CFAP299: variants seen among roughly 807,000 people sequenced by gnomAD.
CFAP299 encodes the protein cilia and flagella associated protein 299.
A neutral mutation model predicts 27.0 loss-of-function variants in CFAP299; 21 were observed. The ratio of observed to expected loss-of-function variants is 0.78; its 90% CI spans 0.55 to 1.12. The LOEUF (loss-of-function observed/expected upper bound fraction) is 1.12, where lower values mean the gene tolerates loss of function less well. Among genes scored for constraint, CFAP299 ranks in the 50% most tolerant of loss-of-function variants. The pLI is 0.00. For missense variants in CFAP299, 310 were observed against 276.6 expected (o/e 1.12, Z -0.86); for synonymous variants, 104 against 98.1 (o/e 1.06, Z -0.36).
intron 3 of CFAP299, among the ~76,000 whole-genome samples, chr4:80,749,080 C>A (rs1724782161): frequency 6.6e-6 from 1 of 152,142 alleles, no homozygotes; most frequent in Non-Finnish European, 1.5e-5. Context: ...AGTATATCAG[C>A]ATATCCTGAG....
intron 3 of CFAP299, among the ~76,000 whole-genome samples, chr4:80,781,611 A>G (rs1254975336): frequency 6.6e-6 from 1 of 152,084 alleles, no homozygotes; most frequent in South Asian, 2.1e-4. Context: ...TGCAATAAAT[A>G]TACGGGAAGG....
intron 3 of CFAP299, among the ~76,000 whole-genome samples, chr4:80,801,139 T>C (rs111557458): frequency 0.049 from 7,466 of 151,248 alleles, 417 homozygotes; most frequent in African/African-American, 0.14. Context: ...ACTTTGCATC[T>C]TTCAGTCAAA....
intron 3 of CFAP299, among the ~76,000 whole-genome samples, chr4:80,631,021 G>T (rs1459235169): frequency 6.6e-6 from 1 of 151,912 alleles, no homozygotes; most frequent in African/African-American, 2.4e-5. Context: ...CAATTGCAGG[G>T]CTATGCATAA....
intron 1 of CFAP299, among the ~76,000 whole-genome samples, chr4:80,339,652 C>G (rs917034862): frequency 3.8e-4 from 58 of 152,318 alleles, no homozygotes; most frequent in African/African-American, 1.4e-3. Flanking sequence ...AGATTTTCCT[C>G]TGCTAACCCA....
At chr4:80,767,936 T>C (rs1019080144) in intron 3 of CFAP299, among the ~76,000 whole-genome samples, 14 of 152,348 alleles carry the variant, frequency 9.2e-5, no homozygotes, top group African/African-American at 3.4e-4. Context: ...TTGCCCAATA[T>C]ACTTCTTTTT....
At chr4:80,763,182 C>T (rs1378062812) in intron 3 of CFAP299, among the ~76,000 whole-genome samples, 2 of 152,122 alleles carry the variant, frequency 1.3e-5, no homozygotes, top group East Asian at 3.9e-4. Context: ...TTGCAGATGA[C>T]GTGATTGTAT....
chr4:80,637,837 C>T (rs763744929), intron 3 of CFAP299, among the ~76,000 whole-genome samples: 6 of 152,186 alleles, frequency 3.9e-5, no homozygotes, highest in Non-Finnish European at 8.8e-5. Context: ...CTTGAGGTCA[C>T]GTTGCCTTGC....
chr4:80,605,880 G>A (rs2109908873), intron 3 of CFAP299, among the ~76,000 whole-genome samples: 1 of 151,912 alleles, frequency 6.6e-6, no homozygotes, highest in South Asian at 2.1e-4. Context: ...TTTAACAAAA[G>A]TTAGTCATTC....
At chr4:80,353,934 G>A (rs754058297) in intron 1 of CFAP299, among the ~76,000 whole-genome samples, 2 of 152,118 alleles carry the variant, frequency 1.3e-5, no homozygotes, top group East Asian at 3.8e-4. Context: ...TTCAACACCA[G>A]GCACCAAAAT....
chr4:80,357,823 C>G (rs1457879306), intron 1 of CFAP299, among the ~76,000 whole-genome samples: 1 of 151,934 alleles, frequency 6.6e-6, no homozygotes, highest in African/African-American at 2.4e-5. Flanking sequence ...TTTTGTGTGT[C>G]TCAATCTCCT....
chr4:80,339,368 C>T (rs930896212), intron 1 of CFAP299, among the ~76,000 whole-genome samples: 1 of 152,118 alleles, frequency 6.6e-6, no homozygotes, highest in Non-Finnish European at 1.5e-5. Context: ...TTACCCTGAC[C>T]ACAATATAAT....
At chr4:80,782,504 T>G (rs59290732) in intron 3 of CFAP299, among the ~76,000 whole-genome samples, 11 of 146,352 alleles carry the variant, frequency 7.5e-5, no homozygotes, top group Middle Eastern at 3.3e-3. Flanking sequence ...CAATATATAT[T>G]AATATATAAC....
intron 3 of CFAP299, among the ~76,000 whole-genome samples, chr4:80,762,813 CA>C (rs991779063): frequency 2.6e-5 from 4 of 152,102 alleles, no homozygotes; most frequent in African/African-American, 9.7e-5. Flanking sequence ...ATGATGGACA[CA>C]GGGGTAAAAA....
At chr4:80,327,297 G>A in the CFAP299 span, among the ~76,000 whole-genome samples, 2 of 152,206 alleles carry the variant, frequency 1.3e-5, no homozygotes, top group Admixed American at 6.5e-5. Context: ...TAGATTCTGG[G>A]AAGAGAAAGA....
chr4:80,484,486 C>G (rs1730715585), intron 2 of CFAP299, among the ~76,000 whole-genome samples: 1 of 152,054 alleles, frequency 6.6e-6, no homozygotes, highest in African/African-American at 2.4e-5. Flanking sequence ...GAGATTATTC[C>G]TTACTTCTTA....
chr4:80,857,313 A>G (rs1434516428), intron 3 of CFAP299, among the ~76,000 whole-genome samples: 1 of 152,176 alleles, frequency 6.6e-6, no homozygotes, highest in African/African-American at 2.4e-5. Flanking sequence ...GGCTGAGACA[A>G]TGGGGTTTTC....
At chr4:80,800,523 TAATATATTATATAATATA>T (rs1728461244) in intron 3 of CFAP299, among the ~76,000 whole-genome samples, 1 of 3,922 alleles carries the variant, frequency 2.5e-4, no homozygotes, top group Non-Finnish European at 5.3e-4. Context: ...ATATAATATA[TAATATATTATATAATATA>T]TAATATATCA....
At chr4:80,433,641 T>C (rs545023343) in intron 2 of CFAP299, among the ~76,000 whole-genome samples, 2 of 152,164 alleles carry the variant, frequency 1.3e-5, no homozygotes, top group Non-Finnish European at 2.9e-5. Context: ...TTTTTTTTGC[T>C]AAAATCTTAA....
At chr4:80,594,298 C>G (rs896566101) in intron 3 of CFAP299, among the ~76,000 whole-genome samples, 8 of 152,122 alleles carry the variant, frequency 5.3e-5, no homozygotes, top group Non-Finnish European at 1.2e-4. Context: ...TGGAACTTTT[C>G]AAACACTTAT....
Sources: allele counts gnomAD v4.1 joint callset (sites outside exome capture counted in the v4.1 genomes callset), GRCh38; gene constraint gnomAD v4.1.1; transcripts MANE v1.5; gene names NCBI Gene and HGNC (gene_info 2026-07-23, HGNC 2026-07-21).